The following MAST4 variants were observed in gnomAD, a reference collection of about 807,000 sequenced individuals.
MAST4 encodes the protein microtubule associated serine/threonine kinase family member 4.
MAST4 carries 89 observed loss-of-function variants against 162.7 expected under a neutral mutation model. That is an observed-to-expected ratio of 0.55 (90% CI 0.46 to 0.65). MAST4 has a LOEUF of 0.65. MAST4 is among the 30% of genes least tolerant of loss of function. MAST4 has a pLI of 0.00. For synonymous variants in MAST4, 1,479 were observed against 1,361.1 expected (o/e 1.09, Z -1.91); for missense variants, 3,153 against 3,374.0 (o/e 0.93, Z 1.62).
intron 3 of MAST4, among the ~76,000 whole-genome samples, chr5:66,878,451 A>G (rs1386173353): frequency 6.6e-6 from 1 of 152,252 alleles, no homozygotes; most frequent in Non-Finnish European, 1.5e-5. Flanking sequence ...ACCTTTGGGC[A>G]GTGAGGTTAA....
At chr5:66,950,985 G>A (rs1474198357) in intron 4 of MAST4, among the ~76,000 whole-genome samples, 1 of 152,126 alleles carries the variant, frequency 6.6e-6, no homozygotes, top group Non-Finnish European at 1.5e-5. Flanking sequence ...GGGTCATTCA[G>A]TCTCATTGCT....
chr5:67,132,021 T>G (rs1769031235), intron 16 of MAST4, 70 bp downstream of exon 16: 3 of 1,491,662 alleles, frequency 2.0e-6, no homozygotes, highest in Non-Finnish European at 2.7e-6. Flanking sequence ...ATAAAGATGT[T>G]TTCTTTTAGT....
intron 22 of MAST4, 80 bp from the exon 23 acceptor site, chr5:67,145,064 T>C: frequency 1.6e-6 from 2 of 1,269,266 alleles, no homozygotes; most frequent in Non-Finnish European, 2.2e-6. Context: ...AGTCCGATTT[T>C]CACCTGGTTT....
chr5:66,676,181 A>G (rs1747933640), intron 1 of MAST4, among the ~76,000 whole-genome samples: 2 of 152,228 alleles, frequency 1.3e-5, no homozygotes, highest in Non-Finnish European at 2.9e-5. Flanking sequence ...TGGGAGACAC[A>G]TTAGCTATCT....
At chr5:67,135,148 A>G (rs927182827) in intron 18 of MAST4, among the ~76,000 whole-genome samples, 4 of 152,214 alleles carry the variant, frequency 2.6e-5, no homozygotes, top group African/African-American at 9.6e-5. Context: ...TCTACCAAAT[A>G]ATAAATAATG....
chr5:66,703,418 A>G (rs1749908675), intron 1 of MAST4, among the ~76,000 whole-genome samples: 1 of 152,150 alleles, frequency 6.6e-6, no homozygotes, highest in Non-Finnish European at 1.5e-5. Flanking sequence ...ATTTTGAGTA[A>G]TATCTAGGTT....
Position 66,911,254 on chromosome 5 carries a change from A to T in MAST4, c.674+11272A>T, listed in dbSNP as rs111477122. Among the ~76,000 whole-genome samples the T allele has an allele frequency of 7.5e-3, 1,146 of 152,306 alleles. 18 individuals are homozygous for T. The highest frequency in any genetic ancestry group is 0.026 in the African/African-American group (1,091 of 41,568). ...AGCACCGTAAGGAAATTCTCTGCAG[A>T]TAGTTCTGTGAACACATTTGCATGA... On this transcript the variant is annotated intron_variant, in intron 4 of 28. Transcript: ENST00000403625.
chr5:67,150,109 G>A (rs960821568), intron 24 of MAST4, among the ~76,000 whole-genome samples: 4 of 152,210 alleles, frequency 2.6e-5, no homozygotes, highest in Non-Finnish European at 4.4e-5. Flanking sequence ...TGTCAGTTGA[G>A]CTATGCTTCC....
intron 5 of MAST4, among the ~76,000 whole-genome samples, chr5:67,073,883 A>G (rs1761267855): frequency 6.6e-6 from 1 of 152,188 alleles, no homozygotes; most frequent in South Asian, 2.1e-4. Context: ...AAATTAATAT[A>G]TAGTTGAACA....
At chr5:66,895,052 TC>T (rs767902891) in intron 3 of MAST4, among the ~76,000 whole-genome samples, 17 of 152,240 alleles carry the variant, frequency 1.1e-4, no homozygotes, top group Middle Eastern at 3.4e-3. Context: ...ACTGGGCTGT[TC>T]CCTGGGTGTG....
intron 1 of MAST4, among the ~76,000 whole-genome samples, chr5:66,754,349 G>A (rs913858158): frequency 3.9e-5 from 6 of 152,198 alleles, no homozygotes; most frequent in Non-Finnish European, 4.4e-5. Flanking sequence ...TAGCATATTA[G>A]TTTGGTATAT....
intron 1 of MAST4, among the ~76,000 whole-genome samples, chr5:66,604,107 G>T (rs796386038): frequency 6.6e-6 from 1 of 152,332 alleles, no homozygotes; most frequent in African/African-American, 2.4e-5. Flanking sequence ...TGCCCTAAAT[G>T]TGAAATGCTG....
intron 2 of MAST4, 65 bp from the exon 3 acceptor site, chr5:66,788,605 C>CCCCCAA: frequency 7.4e-7 from 1 of 1,344,528 alleles, no homozygotes; most frequent in Non-Finnish European, 1.0e-6. Flanking sequence ...CACCCCCACC[C>CCCCCAA]CCATTGCAAT....
At chr5:66,946,303 C>A (rs1012510426) in intron 4 of MAST4, among the ~76,000 whole-genome samples, 4 of 152,094 alleles carry the variant, frequency 2.6e-5, no homozygotes, top group African/African-American at 9.7e-5. Context: ...ATTTTTATAT[C>A]TCAGTTTCAT....
At chr5:66,951,522 T>C (rs1270707372) in intron 4 of MAST4, among the ~76,000 whole-genome samples, 4 of 152,070 alleles carry the variant, frequency 2.6e-5, no homozygotes, top group Non-Finnish European at 5.9e-5. Flanking sequence ...GCCCCTTTTG[T>C]CATGTAAAAT....
chr5:66,881,429 A>G (rs1456373695), intron 3 of MAST4, among the ~76,000 whole-genome samples: 1 of 152,234 alleles, frequency 6.6e-6, no homozygotes, highest in African/African-American at 2.4e-5. Context: ...GGAAAATTAT[A>G]TTCAGTCCAT....
chr5:67,106,530 C>T (rs961327071), intron 10 of MAST4, among the ~76,000 whole-genome samples: 1 of 152,120 alleles, frequency 6.6e-6, no homozygotes, highest in East Asian at 1.9e-4. Context: ...ATTTCTACAA[C>T]CCTTCTTTCC....
chr5:66,710,614 C>CT (rs1750434938), intron 1 of MAST4, among the ~76,000 whole-genome samples: 1 of 152,028 alleles, frequency 6.6e-6, no homozygotes, highest in African/African-American at 2.4e-5. Flanking sequence ...GTTATGGAGT[C>CT]TTTTTTATTC....
At chr5:66,803,165 A>T (rs974751886) in intron 3 of MAST4, among the ~76,000 whole-genome samples, 2 of 152,192 alleles carry the variant, frequency 1.3e-5, no homozygotes, top group East Asian at 3.9e-4. Flanking sequence ...GACATAATTC[A>T]TATCAGAGCA....
Sources: allele counts gnomAD v4.1 joint callset (sites outside exome capture counted in the v4.1 genomes callset), GRCh38; gene constraint gnomAD v4.1.1; transcripts MANE v1.5; gene names NCBI Gene and HGNC (gene_info 2026-07-23, HGNC 2026-07-21).